The following TENM2 variants were observed in gnomAD, a reference collection of about 807,000 sequenced individuals.
The protein encoded by TENM2 is teneurin transmembrane protein 2.
TENM2 carries 52 observed loss-of-function variants against 245.2 expected under a neutral mutation model. The ratio of observed to expected loss-of-function variants is 0.21; its 90% confidence interval spans 0.17 to 0.27. TENM2 has a LOEUF of 0.27. Among genes scored for constraint, TENM2 ranks in the 10% least tolerant of loss-of-function variants. The probability of loss-of-function intolerance (pLI) is 1.00; values close to 1 mark genes in which losing one functional copy is unlikely to be tolerated. For missense variants in TENM2, 3,046 were observed against 3,666.8 expected (o/e 0.83, Z 4.37); for synonymous variants, 1,363 against 1,438.9 (o/e 0.95, Z 1.19).
intron 2 of TENM2, among the ~76,000 whole-genome samples, chr5:167,845,945 C>G (rs1029818028): frequency 7.2e-5 from 11 of 152,322 alleles, no homozygotes; most frequent in Non-Finnish European, 1.3e-4. Context: ...TTAGCATTCT[C>G]TCATCCATTT....
intron 2 of TENM2, among the ~76,000 whole-genome samples, chr5:167,585,165 T>C (rs892559353): frequency 1.3e-5 from 2 of 152,208 alleles, no homozygotes; most frequent in African/African-American, 4.8e-5. Context: ...TTCTTCTCTC[T>C]CTATTTTCCA....
the TENM2 span, among the ~76,000 whole-genome samples, chr5:167,101,848 T>TC: frequency 9.5e-6 from 1 of 104,770 alleles, no homozygotes; most frequent in African/African-American, 4.4e-5. Flanking sequence ...TATATATATA[T>TC]TTATATATAT....
At chr5:167,509,144 T>C (rs972604799) in intron 2 of TENM2, among the ~76,000 whole-genome samples, 1 of 152,206 alleles carries the variant, frequency 6.6e-6, no homozygotes, top group African/African-American at 2.4e-5. Flanking sequence ...GCGTGTGCTA[T>C]TTCTCATTGT....
At chr5:167,952,553 C>CA in intron 3 of TENM2, 35 bp from the exon 6 acceptor site, 1 of 1,535,518 alleles carries the variant, frequency 6.5e-7, no homozygotes. Flanking sequence ...CTGGAATTTG[C>CA]AGACGCTAAC....
chr5:167,324,558 A>G (rs1353150403), intron 1 of TENM2, among the ~76,000 whole-genome samples: 1 of 152,108 alleles, frequency 6.6e-6, no homozygotes, highest in Non-Finnish European at 1.5e-5. Flanking sequence ...GTGTAATTCC[A>G]TCTTTCTCTT....
chr5:168,026,898 G>T (rs1249079179), intron 5 of TENM2, among the ~76,000 whole-genome samples: 1 of 152,060 alleles, frequency 6.6e-6, no homozygotes, highest in Non-Finnish European at 1.5e-5. Flanking sequence ...AGCATACACA[G>T]ATAAAACCAA....
chr5:167,394,644 A>C (rs1167415333), intron 2 of TENM2, among the ~76,000 whole-genome samples: 2 of 151,874 alleles, frequency 1.3e-5, no homozygotes, highest in Non-Finnish European at 2.9e-5. Context: ...CCCAGGCTGG[A>C]GCGCAGTGGT....
intron 2 of TENM2, among the ~76,000 whole-genome samples, chr5:167,785,095 A>G (rs545734623): frequency 1.1e-3 from 160 of 152,310 alleles, no homozygotes; most frequent in African/African-American, 3.7e-3. Context: ...CTTAAAATAG[A>G]CAGAATTTCT....
chr5:167,929,073 GAA>G (rs1554148046), intron 3 of TENM2, among the ~76,000 whole-genome samples: 3 of 37,016 alleles, frequency 8.1e-5, no homozygotes, highest in African/African-American at 4.5e-4. Context: ...AAGAAAGAAA[GAA>G]AGAAAGAAAG....
intron 2 of TENM2, among the ~76,000 whole-genome samples, chr5:167,691,972 A>T (rs1359073599): frequency 6.6e-6 from 1 of 152,068 alleles, no homozygotes; most frequent in Admixed American, 6.6e-5. Flanking sequence ...ATTTTTTAGC[A>T]CCATTTGCGG....
chr5:167,571,202 G>A (rs934275993), intron 2 of TENM2, among the ~76,000 whole-genome samples: 1 of 152,092 alleles, frequency 6.6e-6, no homozygotes, highest in African/African-American at 2.4e-5. Context: ...ACCTACCACG[G>A]CACAGACATT....
At chr5:167,001,146 C>T in the TENM2 span, among the ~76,000 whole-genome samples, 1 of 151,920 alleles carries the variant, frequency 6.6e-6, no homozygotes, top group African/African-American at 2.4e-5. Flanking sequence ...AACTGAAAAC[C>T]CTCCTGACTT....
chr5:167,581,928 A>T (rs1182952797), intron 2 of TENM2, among the ~76,000 whole-genome samples: 3 of 152,182 alleles, frequency 2.0e-5, no homozygotes, highest in African/African-American at 4.8e-5. Context: ...AGAGAAAAAA[A>T]AAAAATCAAG....
At chr5:167,494,933 G>A (rs748116973) in intron 2 of TENM2, among the ~76,000 whole-genome samples, 18 of 151,526 alleles carry the variant, frequency 1.2e-4, no homozygotes, top group Admixed American at 2.6e-4. Flanking sequence ...TTTAATATAC[G>A]GCCTCTAAAA....
At chr5:168,088,505 G>C (rs192788409) in intron 7 of TENM2, among the ~76,000 whole-genome samples, 1 of 152,084 alleles carries the variant, frequency 6.6e-6, no homozygotes, top group African/African-American at 2.4e-5. Flanking sequence ...AGCGCCCCAC[G>C]TGTGAAACTA....
At chr5:167,737,234 G>C (rs1392907637) in intron 2 of TENM2, among the ~76,000 whole-genome samples, 1 of 152,184 alleles carries the variant, frequency 6.6e-6, no homozygotes, top group Non-Finnish European at 1.5e-5. Flanking sequence ...CTCACCCCGT[G>C]AGCTCCTGCA....
intron 2 of TENM2, among the ~76,000 whole-genome samples, chr5:167,476,234 AT>A (rs1228817178): frequency 6.6e-6 from 1 of 152,198 alleles, no homozygotes; most frequent in Non-Finnish European, 1.5e-5. Flanking sequence ...CTTAAAGACT[AT>A]TTACAGTGTA....
intron 2 of TENM2, among the ~76,000 whole-genome samples, chr5:167,699,430 A>G (rs1757998853): frequency 6.6e-6 from 1 of 152,126 alleles, no homozygotes; most frequent in Non-Finnish European, 1.5e-5. Context: ...ATCTCGGCTT[A>G]TTTTACCTTA....
chr5:168,162,533 TC>T, intron 12 of TENM2, 77 bp from the exon 15 acceptor site: 1 of 1,512,286 alleles, frequency 6.6e-7, no homozygotes, highest in Non-Finnish European at 9.0e-7. Context: ...GCGGCCTTGC[TC>T]CCCTCTGCAT....
Sources: gnomAD v4.1 joint callset for allele counts (sites outside exome capture counted in the v4.1 genomes callset) on GRCh38, gnomAD v4.1.1 for gene constraint, MANE v1.5 for transcripts, NCBI Gene and HGNC (gene_info 2026-07-23, HGNC 2026-07-21) for gene names.